The following CSMD2 variants were observed in gnomAD, a reference collection of about 807,000 sequenced individuals.
CSMD2 encodes the protein CUB and Sushi multiple domains 2.
Under a neutral mutation model 398.5 loss-of-function variants are expected in CSMD2, and 130 were observed. The observed-to-expected ratio is 0.33, with a 90% CI of 0.28 to 0.38. The LOEUF (loss-of-function observed/expected upper bound fraction) is 0.38. Ranked by LOEUF, CSMD2 falls within the 10% of genes least tolerant of loss-of-function variation. The probability of loss-of-function intolerance (pLI) is 1.00; values close to 1 mark genes in which losing one functional copy is unlikely to be tolerated. For synonymous variants in CSMD2, 1,828 were observed against 1,908.5 expected, an observed-to-expected ratio of 0.96 and a Z score of 1.10; for missense variants, 3,829 against 4,764.9, an observed-to-expected ratio of 0.80 and a Z score of 5.78.
rs7533681 is a variant in CSMD2 at position 34,083,303 on chromosome 1, T to C, written c.404+5674A>G. On this transcript the variant is annotated intron_variant, in intron 2 of 70. Coordinates refer to ENST00000373381, the MANE Select transcript of CSMD2 (RefSeq NM_001281956.2). ...GGAAAGAGGGGCCCCCAAAGAATCT[T>C]CTAGCTCTCGCTCTTTGTCACTCTC... 1.0e-2 allele frequency among the ~76,000 whole-genome samples: 1,523 copies of C among 152,332 alleles called. 21 individuals carry two copies. Among genetic ancestry groups the C allele is most frequent in the African/African-American group, 0.033 (1,383 of 41,558 alleles).
In CSMD2 at chr1:34,021,193, G is replaced by A. The variant is rs1228209364; in HGVS notation, c.517+11401C>T. On this transcript the variant is annotated intron_variant, in intron 3 of 70. Coordinates refer to ENST00000373381, the MANE Select transcript of CSMD2 (RefSeq NM_001281956.2). ...CTGAAATATTCAATTTGACACTTCT[G>A]TTTGGAAGTGTTCTCTCCCCACTGA... is the stretch of plus-strand genomic sequence containing the variant. 2.0e-5 allele frequency among the ~76,000 whole-genome samples: 3 copies of A among 152,176 alleles called. No individual in the cohort carries two copies. In the East Asian group the frequency reaches 5.8e-4, roughly 29 times the overall value.
chr1:34,046,129 T>C (rs1652493007), intron 2 of CSMD2, among the ~76,000 whole-genome samples: 1 of 152,228 alleles, frequency 6.6e-6, no homozygotes, highest in Non-Finnish European at 1.5e-5. Context: ...CATCATATCT[T>C]TGCAAAGCTT....
At chr1:34,020,269 C>A (rs1014554522) in intron 3 of CSMD2, among the ~76,000 whole-genome samples, 2 of 152,200 alleles carry the variant, frequency 1.3e-5, no homozygotes, top group Non-Finnish European at 2.9e-5. Context: ...TGTGTTTCAC[C>A]TGCCCTGTCC....
At chr1:33,990,878 T>C (rs1487541899) in intron 3 of CSMD2, among the ~76,000 whole-genome samples, 1 of 152,164 alleles carries the variant, frequency 6.6e-6, no homozygotes, top group Non-Finnish European at 1.5e-5. Flanking sequence ...TGATTTTGGA[T>C]AAAAATGAAT....
At chr1:33,815,198 T>C (rs1657321211) in intron 9 of CSMD2, 1 of 152,148 alleles carries the variant, frequency 6.6e-6, no homozygotes, top group Non-Finnish European at 1.5e-5. Flanking sequence ...AACACTTGGT[T>C]GAGTCACTAA....
intron 5 of CSMD2, among the ~76,000 whole-genome samples, chr1:33,913,213 G>T (rs1301362902): frequency 6.6e-6 from 1 of 152,206 alleles, no homozygotes; most frequent in Non-Finnish European, 1.5e-5. Context: ...GCTCTGGGAA[G>T]ATAGTTCCAA....
chr1:33,766,212 C>T (rs764125093), intron 13 of CSMD2, among the ~76,000 whole-genome samples: 39 of 152,136 alleles, frequency 2.6e-4, no homozygotes, highest in Non-Finnish European at 4.6e-4. Flanking sequence ...TTTATGTGTG[C>T]GTCAATGTAT....
intron 3 of CSMD2, among the ~76,000 whole-genome samples, chr1:33,985,713 C>G (rs1004721771): frequency 6.6e-6 from 1 of 152,186 alleles, no homozygotes; most frequent in Non-Finnish European, 1.5e-5. Flanking sequence ...CCCAGTAGAT[C>G]TTGTGCCTTT....
chr1:33,695,702 G>C (rs1158389742), intron 24 of CSMD2, among the ~76,000 whole-genome samples: 1 of 152,198 alleles, frequency 6.6e-6, no homozygotes, highest in Non-Finnish European at 1.5e-5. Context: ...ATGCAAACAA[G>C]TCACTGCTTG....
At chr1:33,688,861 T>C (rs1571228745) in intron 25 of CSMD2, among the ~76,000 whole-genome samples, 1 of 152,354 alleles carries the variant, frequency 6.6e-6, no homozygotes, top group Middle Eastern at 3.4e-3. Flanking sequence ...AGAAAAATTC[T>C]ATAAAGATAT....
intron 47 of CSMD2, among the ~76,000 whole-genome samples, chr1:33,582,959 G>A (rs1206566295): frequency 6.6e-6 from 1 of 152,216 alleles, no homozygotes. Context: ...GTAGACAACA[G>A]TATACATTCA....
At chr1:34,086,546 C>A (rs1231859296) in intron 2 of CSMD2, among the ~76,000 whole-genome samples, 1 of 152,166 alleles carries the variant, frequency 6.6e-6, no homozygotes, top group Admixed American at 6.5e-5. Context: ...ATCATTAAGG[C>A]CAAGGAGACT....
At chr1:33,663,311 C>T (rs1031625797) in intron 25 of CSMD2, among the ~76,000 whole-genome samples, 2 of 152,228 alleles carry the variant, frequency 1.3e-5, no homozygotes. Flanking sequence ...GACAAGGGTG[C>T]GAGGTGTAGG....
intron 53 of CSMD2, among the ~76,000 whole-genome samples, chr1:33,561,841 T>C (rs1051086521): frequency 2.6e-5 from 4 of 152,162 alleles, no homozygotes; most frequent in Admixed American, 1.3e-4. Context: ...TGAAATTATA[T>C]GCAAGGCACT....
intron 2 of CSMD2, among the ~76,000 whole-genome samples, chr1:34,052,184 C>CACAT (rs1212392944): frequency 6.6e-6 from 1 of 151,652 alleles, no homozygotes; most frequent in East Asian, 1.9e-4. Flanking sequence ...CACACACACA[C>CACAT]ACACACACAC....
chr1:33,554,020 G>A (rs1222552330), intron 55 of CSMD2, among the ~76,000 whole-genome samples: 1 of 151,964 alleles, frequency 6.6e-6, no homozygotes, highest in East Asian at 1.9e-4. Context: ...GCAGAGGTTG[G>A]CTTATGACGT....
chr1:33,811,553 A>T (rs1656871762), intron 9 of CSMD2, among the ~76,000 whole-genome samples: 2 of 152,116 alleles, frequency 1.3e-5, no homozygotes, highest in South Asian at 4.1e-4. Context: ...CCGTCTCCAC[A>T]CTCAGCTTAT....
In CSMD2 at chr1:33,639,307, A is replaced by C. The variant is rs1255202624; in HGVS notation, c.4775-2753T>G. 2.0e-5 allele frequency among the ~76,000 whole-genome samples: 3 copies of C among 152,340 alleles called. No homozygotes were observed. The East Asian group carries it at 5.8e-4, about 29-fold the overall frequency. On this transcript the variant is annotated intron_variant, in intron 29 of 70. Coordinates refer to ENST00000373381, the MANE Select transcript of CSMD2 (RefSeq NM_001281956.2). ...AGTCTGATAAATGTCTACCTTGTTC[A>C]GGCAACTGTGTTTTTGGGTAACTGC...
intron 3 of CSMD2, among the ~76,000 whole-genome samples, chr1:33,946,802 T>G (rs1644854531): frequency 6.6e-6 from 1 of 151,742 alleles, no homozygotes; most frequent in Non-Finnish European, 1.5e-5. Context: ...TTTTTTTTTT[T>G]TTTGTATTTT....
Sources: allele counts gnomAD v4.1 joint callset (sites outside exome capture counted in the v4.1 genomes callset), GRCh38; gene constraint gnomAD v4.1.1; transcripts MANE v1.5; gene names NCBI Gene and HGNC (gene_info 2026-07-23, HGNC 2026-07-21).